STARD13: variants seen among roughly 807,000 people sequenced by gnomAD.
The protein encoded by STARD13 is stAR-related lipid transfer protein 13.
STARD13 carries 62 observed loss-of-function variants against 106.4 expected under a neutral mutation model. The ratio of observed to expected loss-of-function variants is 0.58; its 90% CI spans 0.48 to 0.72. The LOEUF (loss-of-function observed/expected upper bound fraction) is 0.72. STARD13 is among the 30% of genes least tolerant of loss of function. The pLI is 0.00. For missense variants in STARD13, 1,387 were observed against 1,424.0 expected (o/e 0.97, Z 0.42); for synonymous variants, 565 against 553.0 (o/e 1.02, Z -0.31).
At chr13:33,355,122 T>C (rs978758034), upstream of STARD13, 1 of 152,204 alleles carries the variant, frequency 6.6e-6, no homozygotes, top group Admixed American at 6.5e-5. Flanking sequence ...CTGCGATAAA[T>C]AACTTTGACA....
the STARD13 span, among the ~76,000 whole-genome samples, chr13:33,409,165 G>A: frequency 6.6e-6 from 1 of 152,008 alleles, no homozygotes; most frequent in Non-Finnish European, 1.5e-5. Flanking sequence ...ACCTAGACCT[G>A]TGTCTGGTAA....
the STARD13 span, among the ~76,000 whole-genome samples, chr13:33,464,595 A>G: frequency 6.6e-6 from 1 of 152,172 alleles, no homozygotes; most frequent in Non-Finnish European, 1.5e-5. Flanking sequence ...CATGCCTGTA[A>G]TCCCAGCACT....
At chr13:33,199,468 C>T (rs1886862157) in intron 1 of STARD13, among the ~76,000 whole-genome samples, 1 of 152,156 alleles carries the variant, frequency 6.6e-6, no homozygotes. Context: ...AATACACCAA[C>T]ACCAAATAAG....
the STARD13 span, among the ~76,000 whole-genome samples, chr13:33,481,000 T>C: frequency 6.6e-6 from 1 of 152,034 alleles, no homozygotes; most frequent in East Asian, 1.9e-4. Context: ...AAAAGAACCA[T>C]ATTACCAGTA....
At chr13:33,542,916 C>T in the STARD13 span, among the ~76,000 whole-genome samples, 12 of 152,320 alleles carry the variant, frequency 7.9e-5, no homozygotes, top group East Asian at 1.9e-3. Context: ...CCCCTGCTTT[C>T]CTTTCTCCCG....
intron 3 of STARD13, among the ~76,000 whole-genome samples, chr13:33,161,645 T>G (rs1882639427): frequency 6.6e-6 from 1 of 152,196 alleles, no homozygotes; most frequent in African/African-American, 2.4e-5. Flanking sequence ...GTGGTGGTTA[T>G]AACAACTTGG....
intron 1 of STARD13, among the ~76,000 whole-genome samples, chr13:33,174,305 T>G (rs1221789748): frequency 6.6e-6 from 1 of 152,034 alleles, no homozygotes; most frequent in Non-Finnish European, 1.5e-5. Flanking sequence ...TCACACACAC[T>G]TATGCATTTT....
chr13:33,285,778 GC>G, upstream of STARD13: 1 of 1,462,446 alleles, frequency 6.8e-7, no homozygotes, highest in Non-Finnish European at 9.0e-7. Context: ...GAGTGCCAAA[GC>G]CACAACTCAG....
the STARD13 span, among the ~76,000 whole-genome samples, chr13:33,497,061 G>A: frequency 6.6e-6 from 1 of 151,892 alleles, no homozygotes; most frequent in Non-Finnish European, 1.5e-5. Flanking sequence ...ATAGACCTTG[G>A]GTATCCTCCC....
At chr13:33,341,314 A>C (rs2077956515) in intron 1 of STARD13, among the ~76,000 whole-genome samples, 1 of 152,166 alleles carries the variant, frequency 6.6e-6, no homozygotes, top group South Asian at 2.1e-4. Context: ...GGTGGCTTAC[A>C]AAAAATCATA....
intron 3 of STARD13, among the ~76,000 whole-genome samples, chr13:33,158,305 A>G (rs1317696917): frequency 6.6e-6 from 1 of 152,186 alleles, no homozygotes; most frequent in East Asian, 1.9e-4. Flanking sequence ...CATATTTCCA[A>G]ACCAATCAAA....
chr13:33,257,724 A>G (rs1431994282), intron 1 of STARD13, among the ~76,000 whole-genome samples: 12 of 152,264 alleles, frequency 7.9e-5, no homozygotes. Flanking sequence ...GAGAGTCATA[A>G]ATTATGAACA....
the STARD13 span, among the ~76,000 whole-genome samples, chr13:33,477,399 C>G: frequency 6.6e-5 from 10 of 152,174 alleles, no homozygotes; most frequent in Non-Finnish European, 1.3e-4. Context: ...GGGCAGGTAG[C>G]CACATCACCC....
At chr13:33,648,808 T>TG in the STARD13 span, among the ~76,000 whole-genome samples, 3 of 141,444 alleles carry the variant, frequency 2.1e-5, no homozygotes, top group African/African-American at 8.4e-5. Flanking sequence ...TTTTTTTTTT[T>TG]GAGACAGAAT....
At chr13:33,297,345 T>C (rs1892535237) in intron 1 of STARD13, among the ~76,000 whole-genome samples, 1 of 152,250 alleles carries the variant, frequency 6.6e-6, no homozygotes, top group Non-Finnish European at 1.5e-5. Flanking sequence ...CAAAAATGTA[T>C]TGCTGCACAG....
chr13:33,315,991 G>A (rs1490120624), intron 1 of STARD13, among the ~76,000 whole-genome samples: 1 of 152,096 alleles, frequency 6.6e-6, no homozygotes, highest in Admixed American at 6.5e-5. Flanking sequence ...CTTACCAAGT[G>A]GTTCTTCTAG....
the STARD13 span, among the ~76,000 whole-genome samples, chr13:33,446,138 G>C: frequency 6.6e-6 from 1 of 152,162 alleles, no homozygotes; most frequent in Non-Finnish European, 1.5e-5. Context: ...ACTATCAGTT[G>C]ATGAAGAAGT....
At chr13:33,603,567 T>A in the STARD13 span, among the ~76,000 whole-genome samples, 2 of 152,148 alleles carry the variant, frequency 1.3e-5, no homozygotes, top group Non-Finnish European at 2.9e-5. Flanking sequence ...AAAATTCTAC[T>A]CTGAGAATTC....
At chr13:33,668,441 T>A in the STARD13 span, among the ~76,000 whole-genome samples, 1 of 152,202 alleles carries the variant, frequency 6.6e-6, no homozygotes, top group African/African-American at 2.4e-5. Flanking sequence ...AGGGTGGCTA[T>A]GAGTTGACAA....
Sources: allele counts gnomAD v4.1 joint callset (sites outside exome capture counted in the v4.1 genomes callset), GRCh38; gene constraint gnomAD v4.1.1; transcripts MANE v1.5; gene names NCBI Gene and HGNC (gene_info 2026-07-23, HGNC 2026-07-21).